Variants in ONECUT2 observed in about 807,000 individuals in gnomAD.
ONECUT2 encodes the protein one cut domain family member 2.
ONECUT2 carries 10 observed loss-of-function variants against 27.9 expected under a neutral mutation model. The ratio of observed to expected loss-of-function variants is 0.36; its 90% CI spans 0.22 to 0.61. The LOEUF (loss-of-function observed/expected upper bound fraction) is 0.61, where lower values mean the gene tolerates loss of function less well. ONECUT2 is among the 20% of genes least tolerant of loss of function. ONECUT2 has a pLI of 0.73. For synonymous variants in ONECUT2, 334 were observed against 315.1 expected, an observed-to-expected ratio of 1.06 and a Z score of -0.64; for missense variants, 686 against 721.0, an observed-to-expected ratio of 0.95 and a Z score of 0.56.
chr18:57,436,247 C>T lies in ONECUT2; in HGVS notation c.531C>T (p.His177=), dbSNP rs968411507. 11 of 1,542,396 alleles carry T rather than the reference C, an allele frequency of 7.1e-6. No homozygotes were observed. Among genetic ancestry groups the T allele is most frequent in the Non-Finnish European group, 9.6e-6 (11 of 1,145,016 alleles). ...FHHPHPHHHP[H]HHHHHHHQRL... Reference sequence around the variant, plus strand: ...ACCCTCACCCGCACCACCATCCGCACCACCACCACCACCACCACCACCAGC... The same window carrying T: ...ACCCTCACCCGCACCACCATCCGCATCACCACCACCACCACCACCACCAGC... The change falls in exon 1 of 2, where the codon CAC becomes CAT. Residue 177 remains histidine, a synonymous_variant. Transcript: ENST00000491143. The surrounding 1 kb of genome is among the most constrained non-coding windows in gnomAD (Gnocchi z 5.9).
intron 1 of ONECUT2, among the ~76,000 whole-genome samples, chr18:57,444,003 G>A (rs1481817780): frequency 2.0e-5 from 3 of 152,254 alleles, no homozygotes; most frequent in Non-Finnish European, 4.4e-5. Context: ...TCTCCTGCAA[G>A]AAGAAAAATA....
rs1164302680 is a variant in ONECUT2, at chr18:57,484,578, A to G, written c.*7855A>G. 1 of 152,476 alleles carries G rather than the reference A, an allele frequency of 6.6e-6. No homozygotes were observed. Among genetic ancestry groups the G allele is most frequent in the Non-Finnish European group, 1.5e-5 (1 of 68,050 alleles). The allele number at this position is 152,476 out of a possible 1,614,324, so 9.4% of individuals were successfully genotyped here. A position where few individuals can be genotyped will look rare whatever the true frequency, so the allele number is the denominator to read the frequency against. On this transcript the variant is annotated 3_prime_UTR_variant, in exon 2 of 2. Coordinates refer to ENST00000491143, the MANE Select transcript of ONECUT2 (RefSeq NM_004852.3). ...TTCTGATTACAAATTGAGGAAGGAA[A>G]CTGGTTGGAAATGGCCTTCAGTCCT... is the stretch of plus-strand genomic sequence containing the variant.
chr18:57,437,419 A>G (rs999056819), intron 1 of ONECUT2, among the ~76,000 whole-genome samples: 8 of 152,266 alleles, frequency 5.3e-5, no homozygotes, highest in Non-Finnish European at 1.2e-4. Flanking sequence ...CTCCCTGTGC[A>G]GAGGCAGTTG....
At chr18:57,450,644 A>G (rs527247) in intron 1 of ONECUT2, among the ~76,000 whole-genome samples, 151,951 of 152,344 alleles carry the variant, frequency 1, 75,779 homozygotes, top group Middle Eastern at 1. Flanking sequence ...TTCATACAAG[A>G]TGGAAAATTT....
intron 1 of ONECUT2, among the ~76,000 whole-genome samples, chr18:57,441,831 AGT>A (rs1362364934): frequency 3.9e-5 from 6 of 152,244 alleles, no homozygotes; most frequent in African/African-American, 1.4e-4. Context: ...ACGTGGCCCT[AGT>A]AACAAAAGCC....
At position 57,436,371 on chromosome 18, in the gene ONECUT2, G is replaced by A. The variant is rs1341502316; in HGVS notation, c.655G>A (p.Gly219Ser). The part of the protein sequence containing the change: ...NLYSPYKEMP[G>S]MSQSLSPLAA... ...CTACAGTCCCTACAAGGAGATGCCC[G>A]GCATGAGCCAGAGCCTGTCCCCGCT... The change falls in exon 1 of 2, where the codon GGC becomes AGC. Residue 219 changes from glycine (G) to serine (S), a missense_variant. Gly to Ser is a moderately conservative substitution (Grantham distance 56). Transcript: ENST00000491143. The surrounding 1 kb of genome is among the most constrained non-coding windows in gnomAD (Gnocchi z 5.9). 1 of 1,607,856 alleles carries A rather than the reference G, an allele frequency of 6.2e-7. No individual in the cohort carries two copies.
At chr18:57,460,532 GAT>G (rs148300372) in intron 1 of ONECUT2, among the ~76,000 whole-genome samples, 17,307 of 151,746 alleles carry the variant, frequency 0.11, 1,046 homozygotes, top group Middle Eastern at 0.21. Context: ...GCTCTAATAG[GAT>G]ATATATTTTC....
chr18:57,472,131 G>A (rs570621679), intron 1 of ONECUT2, among the ~76,000 whole-genome samples: 2 of 152,236 alleles, frequency 1.3e-5, no homozygotes, highest in Non-Finnish European at 2.9e-5. Context: ...ATCCATCAAT[G>A]CCACTGGAAC....
Position 57,465,153 on chromosome 18 carries a change from C to CG in ONECUT2, c.1229-11278dup, listed in dbSNP as rs1241811112. On this transcript the variant is annotated intron_variant, in intron 1 of 1. Transcript: ENST00000491143. ...TAAAAATCTTACTCCTCTTTTTTTG[C>CG]GGGGGGCGGGGGTTGTTTGTTTGTT... is the stretch of plus-strand genomic sequence containing the variant. 2.6e-5 allele frequency among the ~76,000 whole-genome samples: 4 copies of CG among 151,258 alleles called. No homozygotes were observed. In the East Asian group the frequency reaches 5.8e-4, roughly 22 times the overall value.
intron 1 of ONECUT2, among the ~76,000 whole-genome samples, chr18:57,442,874 C>T (rs2050183215): frequency 6.6e-6 from 1 of 152,180 alleles, no homozygotes; most frequent in African/African-American, 2.4e-5. Context: ...GGTAACAGTA[C>T]CCTAGGCCAG....
rs1217965389 is a variant in ONECUT2 at position 57,488,126 on chromosome 18, T to G, written c.*11403T>G. 2.6e-5 allele frequency: 4 copies of G among 152,648 alleles called. No homozygotes were observed. The highest frequency in any genetic ancestry group is 9.6e-5 in the African/African-American group (4 of 41,460). The allele number at this position is 152,648 out of a possible 1,614,324, so 9.5% of individuals were successfully genotyped here. Reference sequence around the variant, plus strand: ...CTCGTGAATAATAAAAAGCAACATATTTTTATTTGGCCTTATAAATTAGGT... The same window carrying G: ...CTCGTGAATAATAAAAAGCAACATAGTTTTATTTGGCCTTATAAATTAGGT... On this transcript the variant is annotated 3_prime_UTR_variant, in exon 2 of 2. Transcript: ENST00000491143.
intron 1 of ONECUT2, among the ~76,000 whole-genome samples, chr18:57,472,841 G>T (rs371659726): frequency 1.3e-5 from 2 of 152,144 alleles, no homozygotes; most frequent in Admixed American, 6.5e-5. Context: ...ATCAATATTG[G>T]TATGAAAATT....
At chr18:57,453,444 A>T (rs2050241797) in intron 1 of ONECUT2, among the ~76,000 whole-genome samples, 1 of 152,214 alleles carries the variant, frequency 6.6e-6, no homozygotes. Context: ...TTTAAAATTA[A>T]ATTGAGAAAT....
chr18:57,481,078 G>C lies in ONECUT2; in HGVS notation c.*4355G>C, dbSNP rs991010629. The C allele has an allele frequency of 2.0e-5, 3 of 151,866 alleles. No individual in the cohort carries two copies. Among genetic ancestry groups the C allele is most frequent in the African/African-American group, 7.3e-5 (3 of 41,342 alleles). The allele number at this position is 151,866 out of a possible 1,614,324, so 9.4% of individuals were successfully genotyped here. A position where few individuals can be genotyped will look rare whatever the true frequency, so the allele number is the denominator to read the frequency against. The stretch of plus-strand genomic sequence containing the variant: ...ACACAAATAGGCTTGCATTGTTTTT[G>C]TTTTAATGTGATTTTGGTACTAGGG... On this transcript the variant is annotated 3_prime_UTR_variant, in exon 2 of 2. Coordinates refer to ENST00000491143, the MANE Select transcript of ONECUT2 (RefSeq NM_004852.3).
rs1010357626 is a variant in ONECUT2 at position 57,478,597 on chromosome 18, G to A, written c.*1874G>A. 2.6e-5 allele frequency: 4 copies of A among 152,654 alleles called. No individual in the cohort carries two copies. The highest frequency in any genetic ancestry group is 1.9e-4 in the East Asian group (1 of 5,198). The allele number at this position is 152,654 out of a possible 1,614,324, so 9.5% of individuals were successfully genotyped here. ...TTTGGAAGCAGATTTTAAAGAAAGGGTTGAGACAAAGATAGAAATAAGGAA... is the reference window on the plus strand; with the variant it reads ...TTTGGAAGCAGATTTTAAAGAAAGGATTGAGACAAAGATAGAAATAAGGAA... On this transcript the variant is annotated 3_prime_UTR_variant, in exon 2 of 2. Coordinates refer to ENST00000491143, the MANE Select transcript of ONECUT2 (RefSeq NM_004852.3).
Position 57,473,514 on chromosome 18 carries a change from C to T in ONECUT2, c.1229-2923C>T, listed in dbSNP as rs533771068. Among the ~76,000 whole-genome samples, 5 of 152,206 alleles carry T rather than the reference C, an allele frequency of 3.3e-5. No individual in the cohort carries two copies. The South Asian group carries it at 1.0e-3, about 32-fold the overall frequency. ...AAGAGGCTACGTAATTTGCAAGGCCCCAGGTCTTGGAGGTGTGGAAGCCCA... is the reference window on the plus strand; with the variant it reads ...AAGAGGCTACGTAATTTGCAAGGCCTCAGGTCTTGGAGGTGTGGAAGCCCA... On this transcript the variant is annotated intron_variant, in intron 1 of 1. Coordinates refer to ENST00000491143, the MANE Select transcript of ONECUT2 (RefSeq NM_004852.3).
Position 57,476,751 on chromosome 18 carries a change from C to T in ONECUT2, c.*28C>T, listed in dbSNP as rs1293476046. ...GAAGGACTCTCACTTGGGCACAAGT[C>T]ACCTCCAAATGAGGACAACAGATAC... On this transcript the variant is annotated 3_prime_UTR_variant, in exon 2 of 2. Transcript: ENST00000491143. 2.5e-6 allele frequency: 4 copies of T among 1,609,334 alleles called. No individual in the cohort carries two copies. Among genetic ancestry groups the T allele is most frequent in the South Asian group, 1.1e-5 (1 of 90,686 alleles).
Position 57,480,531 on chromosome 18 carries a change from G to A in ONECUT2, c.*3808G>A, listed in dbSNP as rs2050410199. ...TTTGTGACCTGACATTACAACATTG[G>A]TCAAACCAGTCCTCTGATAATCAGA... is the stretch of plus-strand genomic sequence containing the variant. On this transcript the variant is annotated 3_prime_UTR_variant, in exon 2 of 2. Coordinates refer to ENST00000491143, the MANE Select transcript of ONECUT2 (RefSeq NM_004852.3). 1 of 151,256 alleles carries A rather than the reference G, an allele frequency of 6.6e-6. No homozygotes were observed. The highest frequency in any genetic ancestry group is 2.1e-4 in the South Asian group (1 of 4,794). 9.4% of individuals were successfully genotyped at this position (151,256 alleles called of 1,614,324 possible).
intron 1 of ONECUT2, among the ~76,000 whole-genome samples, chr18:57,459,159 A>C (rs2050276417): frequency 6.6e-6 from 1 of 152,272 alleles, no homozygotes; most frequent in Admixed American, 6.5e-5. Context: ...TAAAGAAACA[A>C]GACCCATCTA....
Sources: allele counts gnomAD v4.1 joint callset (sites outside exome capture counted in the v4.1 genomes callset), GRCh38; gene constraint gnomAD v4.1.1; non-coding constraint Gnocchi (gnomAD v3.1); transcripts MANE v1.5; gene names NCBI Gene and HGNC (gene_info 2026-07-23, HGNC 2026-07-21).